Variants in PDE7A observed in about 807,000 individuals in gnomAD.
The protein encoded by PDE7A is high affinity 3',5'-cyclic-AMP phosphodiesterase 7A.
Under a neutral mutation model 64.3 loss-of-function variants are expected in PDE7A, and 39 were observed. That is an observed-to-expected ratio of 0.61 (90% CI 0.47 to 0.79). The LOEUF (loss-of-function observed/expected upper bound fraction) is 0.79, where lower values mean the gene tolerates loss of function less well. Among genes scored for constraint, PDE7A ranks in the 30% least tolerant of loss-of-function variants. PDE7A has a pLI of 0.00. For synonymous variants in PDE7A, 203 were observed against 206.8 expected, an observed-to-expected ratio of 0.98 and a Z score of 0.16; for missense variants, 470 against 582.8, an observed-to-expected ratio of 0.81 and a Z score of 1.99.
chr8:65,714,406 G>T lies in PDE7A; in HGVS notation c.*4884C>A, dbSNP rs1211186422. 1 of 152,098 alleles carries T rather than the reference G, an allele frequency of 6.6e-6. No homozygotes were observed. Among genetic ancestry groups the T allele is most frequent in the African/African-American group, 2.4e-5 (1 of 41,416 alleles). The allele number at this position is 152,098 out of a possible 1,614,324, so 9.4% of individuals were successfully genotyped here. ...CTATGGTGAGCACAGGAACCAGGAA[G>T]ATGGAGGAGACCTGCTGGGTGCTCT... On this transcript the variant is annotated 3_prime_UTR_variant, in exon 13 of 13. Transcript: ENST00000401827.
chr8:65,775,873 C>CCT (rs993485425), intron 3 of PDE7A, among the ~76,000 whole-genome samples: 1 of 152,206 alleles, frequency 6.6e-6, no homozygotes, highest in Non-Finnish European at 1.5e-5. Flanking sequence ...AGGTGATCCA[C>CCT]CTGCCTCGGC....
intron 1 of PDE7A, among the ~76,000 whole-genome samples, chr8:65,792,187 A>G (rs1238367832): frequency 6.6e-6 from 1 of 152,222 alleles, no homozygotes; most frequent in Non-Finnish European, 1.5e-5. Context: ...AACATGGCAA[A>G]GTAATAAATC....
intron 3 of PDE7A, among the ~76,000 whole-genome samples, chr8:65,772,192 G>C (rs1213084437): frequency 2.0e-5 from 3 of 152,140 alleles, no homozygotes; most frequent in Non-Finnish European, 4.4e-5. Flanking sequence ...AAAATAAGTG[G>C]GTTGAGGAGC....
At chr8:65,809,126 G>A (rs923362268) in intron 1 of PDE7A, among the ~76,000 whole-genome samples, 3 of 152,148 alleles carry the variant, frequency 2.0e-5, no homozygotes, top group Non-Finnish European at 4.4e-5. Context: ...CAATCTCTCT[G>A]AACCTAAATC....
Position 65,724,902 on chromosome 8 carries a change from T to G in PDE7A, c.940A>C (p.Ile314Leu). 1 of 1,603,506 alleles carries G rather than the reference T, an allele frequency of 6.2e-7. No homozygotes were observed. The highest frequency in any genetic ancestry group is 8.5e-7 in the Non-Finnish European group (1 of 1,174,032). The change falls in exon 10 of 13, where the codon ATA (isoleucine) becomes CTA (leucine). Residue 314 changes from isoleucine (I) to leucine (L), a missense_variant. Physicochemically the swap from Ile to Leu is conservative, Grantham distance 5. Coordinates refer to ENST00000401827, the MANE Select transcript of PDE7A (RefSeq NM_001242318.3). The part of the protein sequence containing the change: ...LESRQQMETQ[I>L]GALILATDIS... The stretch of plus-strand genomic sequence containing the variant: ...TCTGTGGCTAGTATCAGAGCACCTA[T>G]CTGTGTCTCCATTTGTTGCCTGGAA...
intron 7 of PDE7A, among the ~76,000 whole-genome samples, chr8:65,730,831 G>C (rs1806854436): frequency 6.6e-6 from 1 of 152,204 alleles, no homozygotes; most frequent in African/African-American, 2.4e-5. Context: ...GCTGAGACAA[G>C]AGAATCGCTT....
At chr8:65,780,380 T>G (rs1809380105) in intron 2 of PDE7A, among the ~76,000 whole-genome samples, 1 of 152,242 alleles carries the variant, frequency 6.6e-6, no homozygotes, top group South Asian at 2.1e-4. Context: ...AAAGTCAATC[T>G]GATTAATCAC....
intron 3 of PDE7A, among the ~76,000 whole-genome samples, chr8:65,748,250 G>A (rs935701433): frequency 6.6e-6 from 1 of 152,018 alleles, no homozygotes; most frequent in Non-Finnish European, 1.5e-5. Context: ...AATTACACAA[G>A]TAAAACATTT....
At chr8:65,765,488 C>CAAAAAAAAAAAAAAAAAAAAAAAAAA (rs11342419) in intron 3 of PDE7A, 1 of 44,586 alleles carries the variant, frequency 2.2e-5, no homozygotes, top group Non-Finnish European at 3.8e-5. Flanking sequence ...GACTCCGTCT[C>CAAAAAAAAAAAAAAAAAAAAAAAAAA]AAAAAAAAAA....
At position 65,719,117 on chromosome 8, in the gene PDE7A, T is replaced by C. The variant is rs1806268430; in HGVS notation, c.*173A>G. ...ATTGCTGTATGTTCGGGTCTTGCAA[T>C]TAACAAGTGGGTTCAAATGATCCAA... is the stretch of plus-strand genomic sequence containing the variant. On this transcript the variant is annotated 3_prime_UTR_variant, in exon 13 of 13. Transcript: ENST00000401827. 1 of 602,488 alleles carries C rather than the reference T, an allele frequency of 1.7e-6. No individual in the cohort carries two copies. The highest frequency in any genetic ancestry group is 2.0e-5 in the South Asian group (1 of 49,168). 37.3% of individuals were successfully genotyped at this position (602,488 alleles called of 1,614,324 possible).
In PDE7A at chr8:65,779,800, T is replaced by A; in HGVS notation, c.203A>T (p.Asp68Val). The change falls in exon 3 of 13, where the codon GAT becomes GTT. Residue 68 changes from aspartate (D) to valine (V), a missense_variant. Transcript: ENST00000401827. ...TCCTGCTCGGCTCCTTACACGTACATCTCCTGGACAGAATCAAGAATAAAA... is the reference window on the plus strand; with the variant it reads ...TCCTGCTCGGCTCCTTACACGTACAACTCCTGGACAGAATCAAGAATAAAA... Reference protein sequence around the residue: ...QTALYIRMLGDVRVRSRAGFE... With the variant: ...QTALYIRMLGVVRVRSRAGFE... 1 of 1,573,706 alleles carries A rather than the reference T, an allele frequency of 6.4e-7. No individual in the cohort carries two copies. The highest frequency in any genetic ancestry group is 8.7e-7 in the Non-Finnish European group (1 of 1,149,672).
At chr8:65,810,709 C>A (rs1810240147) in intron 1 of PDE7A, among the ~76,000 whole-genome samples, 1 of 151,696 alleles carries the variant, frequency 6.6e-6, no homozygotes, top group Admixed American at 6.6e-5. Flanking sequence ...AATAAATGAC[C>A]CAAAATCATG....
Position 65,753,334 on chromosome 8 carries a change from C to G in PDE7A, c.284-5531G>C, listed in dbSNP as rs148511019. Reference sequence around the variant, plus strand: ...AGGAAATCCCTCTGAGCTCTACTACCCAAATGGCTCTCTCCTTCTCTGCCA... The same window carrying G: ...AGGAAATCCCTCTGAGCTCTACTACGCAAATGGCTCTCTCCTTCTCTGCCA... On this transcript the variant is annotated intron_variant, in intron 3 of 12. Transcript: ENST00000401827. 3.4e-3 allele frequency among the ~76,000 whole-genome samples: 514 copies of G among 152,206 alleles called. 3 individuals are homozygous for G. Among genetic ancestry groups the G allele is most frequent in the African/African-American group, 0.011 (449 of 41,506 alleles).
rs957292724 is a variant in PDE7A, at chr8:65,799,629, T to C, written c.139-16786A>G. On this transcript the variant is annotated intron_variant, in intron 1 of 12. Coordinates refer to ENST00000401827, the MANE Select transcript of PDE7A (RefSeq NM_001242318.3). Reference sequence around the variant, plus strand: ...GATTTAAGAGGTTGATTTGCTTTAATGTTAGGAGAGGTTAAGTGTCTGGAT... The same window carrying C: ...GATTTAAGAGGTTGATTTGCTTTAACGTTAGGAGAGGTTAAGTGTCTGGAT... 2.6e-5 allele frequency among the ~76,000 whole-genome samples: 4 copies of C among 152,138 alleles called. No homozygotes were observed. In the East Asian group the frequency reaches 5.8e-4, roughly 22 times the overall value.
rs1806216537 is a variant in PDE7A, at chr8:65,718,162, C to T, written c.*1128G>A. On this transcript the variant is annotated 3_prime_UTR_variant, in exon 13 of 13. Transcript: ENST00000401827. ...CTGTTACAGCTTACCTACCAACCTTCCCCTCCCCCGAGTGTGGCTGCTCAT... is the reference window on the plus strand; with the variant it reads ...CTGTTACAGCTTACCTACCAACCTTTCCCTCCCCCGAGTGTGGCTGCTCAT... 1 of 152,204 alleles carries T rather than the reference C, an allele frequency of 6.6e-6. No homozygotes were observed. Among genetic ancestry groups the T allele is most frequent in the Admixed American group, 6.5e-5 (1 of 15,284 alleles). 9.4% of individuals were successfully genotyped at this position (152,204 alleles called of 1,614,324 possible).
intron 7 of PDE7A, among the ~76,000 whole-genome samples, chr8:65,732,296 G>A (rs1204821273): frequency 1.3e-5 from 2 of 151,880 alleles, no homozygotes; most frequent in East Asian, 3.9e-4. Flanking sequence ...ACCATGCCCA[G>A]CCACTAACAT....
At chr8:65,747,937 G>T (rs1050898016) in intron 3 of PDE7A, 134 bp from the exon 4 acceptor site, 5 of 488,912 alleles carry the variant, frequency 1.0e-5, no homozygotes, top group East Asian at 9.9e-5. Context: ...TTCCATGAAA[G>T]AAGTGATACT....
chr8:65,821,797 T>C (rs1376455889), intron 1 of PDE7A, among the ~76,000 whole-genome samples: 1 of 152,246 alleles, frequency 6.6e-6, no homozygotes, highest in Non-Finnish European at 1.5e-5. Context: ...CTTTCTAATT[T>C]TGATTACATG....
intron 12 of PDE7A, 185 bp downstream of exon 12, chr8:65,723,356 A>T: frequency 2.2e-6 from 1 of 457,034 alleles, no homozygotes; most frequent in Non-Finnish European, 3.4e-6. Context: ...TATACTTTTT[A>T]CATCCTAAAA....
Sources: allele counts gnomAD v4.1 joint callset (sites outside exome capture counted in the v4.1 genomes callset), GRCh38; gene constraint gnomAD v4.1.1; transcripts MANE v1.5; gene names NCBI Gene and HGNC (gene_info 2026-07-23, HGNC 2026-07-21).